The following CLSTN2 variants were observed in gnomAD, a reference collection of about 807,000 sequenced individuals.
The protein encoded by CLSTN2 is calsyntenin-2.
Under a neutral mutation model 101.2 loss-of-function variants are expected in CLSTN2, and 48 were observed. That is an observed-to-expected ratio of 0.47 (90% CI 0.38 to 0.60). The LOEUF (loss-of-function observed/expected upper bound fraction) is 0.60, where lower values mean the gene tolerates loss of function less well. CLSTN2 is among the 20% of genes least tolerant of loss of function. The probability of loss-of-function intolerance (pLI) is 0.00; values close to 1 mark genes in which losing one functional copy is unlikely to be tolerated. For missense variants in CLSTN2, 1,160 were observed against 1,238.2 expected (o/e 0.94, Z 0.95); for synonymous variants, 481 against 463.6 (o/e 1.04, Z -0.48).
chr3:139,967,094 G>T (rs746308407), intron 1 of CLSTN2, among the ~76,000 whole-genome samples: 7 of 152,274 alleles, frequency 4.6e-5, no homozygotes, highest in African/African-American at 7.2e-5. Context: ...TAGGGCCTAG[G>T]CAGGGCTGAC....
At chr3:140,099,914 C>T (rs949867954) in intron 1 of CLSTN2, among the ~76,000 whole-genome samples, 1 of 152,200 alleles carries the variant, frequency 6.6e-6, no homozygotes, top group East Asian at 1.9e-4. Flanking sequence ...GTTCCTGAGG[C>T]AGCAGCACAT....
intron 2 of CLSTN2, among the ~76,000 whole-genome samples, chr3:140,266,296 A>T (rs545194700): frequency 1.3e-5 from 2 of 152,332 alleles, no homozygotes; most frequent in East Asian, 3.9e-4. Context: ...GCAGAAAATG[A>T]AACAAAGTAA....
At chr3:140,177,923 C>T (rs946422855) in intron 2 of CLSTN2, among the ~76,000 whole-genome samples, 2 of 152,088 alleles carry the variant, frequency 1.3e-5, no homozygotes, top group Non-Finnish European at 2.9e-5. Flanking sequence ...CCTCACTTCC[C>T]TCATCCCCTT....
At chr3:140,266,607 G>A (rs573535558) in intron 2 of CLSTN2, among the ~76,000 whole-genome samples, 3 of 152,036 alleles carry the variant, frequency 2.0e-5, no homozygotes, top group South Asian at 2.1e-4. Flanking sequence ...GTTCTGCCGC[G>A]AGTTGAAGCT....
chr3:140,124,441 G>A (rs1444420658), intron 1 of CLSTN2, among the ~76,000 whole-genome samples: 1 of 152,194 alleles, frequency 6.6e-6, no homozygotes, highest in Non-Finnish European at 1.5e-5. Flanking sequence ...GATGATGCCA[G>A]CTTGCTCCAG....
chr3:140,193,528 G>T (rs1015249084), intron 2 of CLSTN2, among the ~76,000 whole-genome samples: 2 of 151,412 alleles, frequency 1.3e-5, no homozygotes, highest in Non-Finnish European at 3.0e-5. Flanking sequence ...TTGTTTGTTT[G>T]TTTGTTTGTT....
At chr3:139,950,780 T>C (rs1475316145) in intron 1 of CLSTN2, among the ~76,000 whole-genome samples, 1 of 152,212 alleles carries the variant, frequency 6.6e-6, no homozygotes, top group Non-Finnish European at 1.5e-5. Context: ...AATAAAATGA[T>C]ATGTATTTCA....
chr3:140,077,375 G>A (rs560038845), intron 1 of CLSTN2, among the ~76,000 whole-genome samples: 1 of 152,136 alleles, frequency 6.6e-6, no homozygotes, highest in African/African-American at 2.4e-5. Flanking sequence ...AGGCTGATTG[G>A]CTTATCACAG....
chr3:140,577,206 C>G lies in CLSTN2; in HGVS notation c.*10953C>G, dbSNP rs1195337862. The G allele has an allele frequency of 6.6e-6, 1 of 152,216 alleles. No homozygotes were observed. The highest frequency in any genetic ancestry group is 1.5e-5 in the Non-Finnish European group (1 of 68,052). The allele number at this position is 152,216 out of a possible 1,614,324, so 9.4% of individuals were successfully genotyped here. On this transcript the variant is annotated 3_prime_UTR_variant, in exon 17 of 17. Coordinates refer to ENST00000458420, the MANE Select transcript of CLSTN2 (RefSeq NM_022131.3). ...ACTGTGATCTTACCCATGTTTGAAT[C>G]ACAAACTTTAAATTTATAATAATTA... is the stretch of plus-strand genomic sequence containing the variant.
intron 2 of CLSTN2, among the ~76,000 whole-genome samples, chr3:140,278,558 G>A (rs1258804300): frequency 3.3e-5 from 5 of 152,166 alleles, no homozygotes; most frequent in Non-Finnish European, 7.3e-5. Context: ...AATGAATTCT[G>A]CAAGGATGAG....
chr3:140,272,943 T>G (rs889254175), intron 2 of CLSTN2, among the ~76,000 whole-genome samples: 5 of 152,090 alleles, frequency 3.3e-5, no homozygotes, highest in African/African-American at 9.7e-5. Flanking sequence ...TGATTATTAT[T>G]TTGGGTTTCA....
In CLSTN2 at chr3:140,367,737, G is replaced by C. The variant is rs77998883; in HGVS notation, c.233-35892G>C. On this transcript the variant is annotated intron_variant, in intron 2 of 16. Transcript: ENST00000458420. Reference sequence around the variant, plus strand: ...TAATGTTCTTATTCCAGCCTTAGCTGTACCTCTTATTAAATTTGTAGCATT... The same window carrying C: ...TAATGTTCTTATTCCAGCCTTAGCTCTACCTCTTATTAAATTTGTAGCATT... 8.8e-3 allele frequency among the ~76,000 whole-genome samples: 1,336 copies of C among 152,254 alleles called. 9 individuals are homozygous for C. Among genetic ancestry groups the C allele is most frequent in the Non-Finnish European group, 0.013 (902 of 68,018 alleles).
chr3:140,041,786 AC>A (rs2007765927), intron 1 of CLSTN2, among the ~76,000 whole-genome samples: 1 of 152,126 alleles, frequency 6.6e-6, no homozygotes, highest in South Asian at 2.1e-4. Context: ...TCAGGCAAGA[AC>A]CTGCACAGAG....
In CLSTN2 at chr3:140,154,653, T is replaced by TG. The variant is rs1560111222; in HGVS notation, c.110-21298_110-21297insG. ...GGGAAGTATCACCCTTTTTTTTTTTTTTTTTTTTTGAGACGGAGTCTTGCT... is the reference window on the plus strand; with the variant it reads ...GGGAAGTATCACCCTTTTTTTTTTTTGTTTTTTTTTGAGACGGAGTCTTGCT... On this transcript the variant is annotated intron_variant, in intron 1 of 16. Transcript: ENST00000458420. 7.2e-3 allele frequency among the ~76,000 whole-genome samples: 1,036 copies of TG among 144,098 alleles called. 18 individuals carry two copies. The highest frequency in any genetic ancestry group is 0.025 in the African/African-American group (983 of 39,190). The allele number at this position is 144,098 out of a possible 152,430, so 94.5% of individuals were successfully genotyped here. A position where few individuals can be genotyped will look rare whatever the true frequency, so the allele number is the denominator to read the frequency against.
chr3:140,118,417 A>T (rs1231302281), intron 1 of CLSTN2, among the ~76,000 whole-genome samples: 1 of 152,176 alleles, frequency 6.6e-6, no homozygotes, highest in Non-Finnish European at 1.5e-5. Context: ...GTGCTTCACG[A>T]TTTGGTCTCA....
intron 5 of CLSTN2, among the ~76,000 whole-genome samples, chr3:140,433,399 A>G (rs549571619): frequency 6.6e-6 from 1 of 152,372 alleles, no homozygotes; most frequent in African/African-American, 2.4e-5. Context: ...AACCACAGCT[A>G]GAATCAGGCC....
chr3:140,314,836 G>A (rs2087213604), intron 2 of CLSTN2, among the ~76,000 whole-genome samples: 1 of 152,042 alleles, frequency 6.6e-6, no homozygotes, highest in Non-Finnish European at 1.5e-5. Flanking sequence ...GGCTCCTGGG[G>A]ACATTGGTGT....
chr3:140,023,410 G>A (rs1315949683), intron 1 of CLSTN2, among the ~76,000 whole-genome samples: 1 of 152,174 alleles, frequency 6.6e-6, no homozygotes, highest in Non-Finnish European at 1.5e-5. Context: ...CAGGGAGTCA[G>A]GGGGTAGAGT....
chr3:140,208,274 G>A (rs976140764), intron 2 of CLSTN2, among the ~76,000 whole-genome samples: 1 of 152,082 alleles, frequency 6.6e-6, no homozygotes, highest in Non-Finnish European at 1.5e-5. Context: ...TTTGATGTAC[G>A]ATTGGAGGCT....
Sources: allele counts gnomAD v4.1 joint callset (sites outside exome capture counted in the v4.1 genomes callset), GRCh38; gene constraint gnomAD v4.1.1; transcripts MANE v1.5; gene names NCBI Gene and HGNC (gene_info 2026-07-23, HGNC 2026-07-21).